Variants in ARHGEF10L observed in about 807,000 individuals in gnomAD.
ARHGEF10L encodes Rho guanine nucleotide exchange factor 10 like.
In ARHGEF10L, 69 loss-of-function variants were observed where a neutral mutation model predicts 141.2. The observed-to-expected ratio is 0.49, with a 90% CI of 0.40 to 0.60. The LOEUF is 0.60. Ranked by LOEUF, ARHGEF10L falls within the 20% of genes least tolerant of loss-of-function variation. The probability of loss-of-function intolerance (pLI) is 0.00; values close to 1 mark genes in which losing one functional copy is unlikely to be tolerated. For missense variants in ARHGEF10L, 1,482 were observed against 1,734.3 expected (o/e 0.85, Z 2.58); for synonymous variants, 711 against 718.5 (o/e 0.99, Z 0.17).
rs902176105 is a variant in ARHGEF10L at position 17,573,637 on chromosome 1, C to T, written c.-43-6916C>T. Among the ~76,000 whole-genome samples the T allele has an allele frequency of 6.6e-6, 1 of 152,030 alleles. No homozygotes were observed. The highest frequency in any genetic ancestry group is 1.5e-5 in the Non-Finnish European group (1 of 67,986). ...GGGGGCTGGAGATAGAGTCTGGGGCCGCCCCCCTCCCACGCTGTCCAGCCA... is the reference window on the plus strand; with the variant it reads ...GGGGGCTGGAGATAGAGTCTGGGGCTGCCCCCCTCCCACGCTGTCCAGCCA... On this transcript the variant is annotated intron_variant, in intron 1 of 28. Transcript: ENST00000361221. The surrounding 1 kb of genome is among the most constrained non-coding windows in gnomAD (Gnocchi z 4.8).
At chr1:17,513,693 G>A in the ARHGEF10L span, among the ~76,000 whole-genome samples, 1 of 152,156 alleles carries the variant, frequency 6.6e-6, no homozygotes, top group Non-Finnish European at 1.5e-5. Flanking sequence ...AGAGAAATCT[G>A]GGGTATCCAA....
rs2102178548 is a variant in ARHGEF10L at position 17,664,708 on chromosome 1, A to C, written c.3009+113A>C. ...GCTCCCAGTGGCATTCCAAGGATCG[A>C]TTGGGCAGAGTTTGTCCGGAAGCAG... On this transcript the variant is annotated intron_variant, in intron 26 of 28. Coordinates refer to ENST00000361221, the MANE Select transcript of ARHGEF10L (RefSeq NM_018125.4). 4 of 1,326,004 alleles carry C rather than the reference A, an allele frequency of 3.0e-6. No homozygotes were observed. In the South Asian group the frequency reaches 6.5e-5, roughly 21 times the overall value. The allele number at this position is 1,326,004 out of a possible 1,614,324, so 82.1% of individuals were successfully genotyped here.
chr1:17,694,829 T>A, intron 27 of ARHGEF10L: 1 of 472,388 alleles, frequency 2.1e-6, no homozygotes, highest in Non-Finnish European at 4.1e-6. Flanking sequence ...GACAACCCTT[T>A]GTGCCGGATG....
chr1:17,545,906 T>A (rs2076898321), intron 1 of ARHGEF10L, among the ~76,000 whole-genome samples: 1 of 152,130 alleles, frequency 6.6e-6, no homozygotes, highest in South Asian at 2.1e-4. Context: ...CCAGGGGAGT[T>A]AATGTGTGTT....
chr1:17,534,986 G>A (rs141481822), upstream of ARHGEF10L, among the ~76,000 whole-genome samples: 1 of 152,100 alleles, frequency 6.6e-6, no homozygotes, highest in African/African-American at 2.4e-5. Flanking sequence ...TGGATGGGGT[G>A]GGGGGATGGT....
chr1:17,671,651 G>T (rs1344062446), intron 26 of ARHGEF10L, among the ~76,000 whole-genome samples: 1 of 152,222 alleles, frequency 6.6e-6, no homozygotes, highest in Non-Finnish European at 1.5e-5. Flanking sequence ...AGGGGCTGTG[G>T]TGGGGTTAAC....
the ARHGEF10L span, among the ~76,000 whole-genome samples, chr1:17,523,633 A>G: frequency 2.9e-3 from 442 of 152,308 alleles, 4 homozygotes; most frequent in African/African-American, 0.01. Flanking sequence ...CACACTGTTC[A>G]TGGCACAGCC....
intron 26 of ARHGEF10L, among the ~76,000 whole-genome samples, chr1:17,684,610 C>T (rs1274895512): frequency 1.3e-5 from 2 of 152,202 alleles, no homozygotes; most frequent in Admixed American, 1.3e-4. Context: ...AGTTCGCTTC[C>T]TCTGAGCATG....
intron 1 of ARHGEF10L, among the ~76,000 whole-genome samples, chr1:17,552,704 G>A (rs544804948): frequency 1.3e-5 from 2 of 150,168 alleles, no homozygotes; most frequent in East Asian, 4.0e-4. Flanking sequence ...GGTTACAGGC[G>A]TGAGCCACCG....
At chr1:17,525,502 T>C in the ARHGEF10L span, among the ~76,000 whole-genome samples, 1 of 152,032 alleles carries the variant, frequency 6.6e-6, no homozygotes, top group South Asian at 2.1e-4. Flanking sequence ...GCTTGAGCCA[T>C]GGGTTCTAGT....
intron 22 of ARHGEF10L, among the ~76,000 whole-genome samples, chr1:17,652,946 G>C (rs1360143443): frequency 6.6e-6 from 1 of 152,220 alleles, no homozygotes; most frequent in East Asian, 1.9e-4. Context: ...CAGAACTGCT[G>C]TTGGCCGTGT....
At chr1:17,557,872 A>G (rs2077397432) in intron 1 of ARHGEF10L, among the ~76,000 whole-genome samples, 1 of 152,208 alleles carries the variant, frequency 6.6e-6, no homozygotes, top group South Asian at 2.1e-4. Flanking sequence ...TGGTTGGGTC[A>G]GACTAAATAC....
At chr1:17,548,418 G>T (rs576156842) in intron 1 of ARHGEF10L, among the ~76,000 whole-genome samples, 1 of 152,080 alleles carries the variant, frequency 6.6e-6, no homozygotes. Flanking sequence ...TGGACTCTTA[G>T]GGGTCAGTAA....
chr1:17,565,304 G>T (rs1320671655), intron 1 of ARHGEF10L, among the ~76,000 whole-genome samples: 2 of 152,304 alleles, frequency 1.3e-5, no homozygotes, highest in Non-Finnish European at 2.9e-5. Flanking sequence ...ATTTTAGGGG[G>T]ATAAAAACAT....
rs1421282606 is a variant in ARHGEF10L, at chr1:17,686,077, T to TC, written c.3010-1496_3010-1495insC. 2.7e-3 allele frequency among the ~76,000 whole-genome samples: 376 copies of TC among 138,796 alleles called. 7 individuals are homozygous for TC. In the East Asian group the frequency reaches 0.052, roughly 19 times the overall value. 91.1% of individuals were successfully genotyped at this position (138,796 alleles called of 152,430 possible). On this transcript the variant is annotated intron_variant, in intron 26 of 28. Transcript: ENST00000361221. ...TTGGTGTGTTTGTTTTGTTTTGTTT[T>TC]TTTTCTTTCTTTCTTTCTTTCTTTC...
intron 26 of ARHGEF10L, among the ~76,000 whole-genome samples, chr1:17,683,686 C>A (rs961621636): frequency 1.3e-5 from 2 of 152,204 alleles, no homozygotes; most frequent in Non-Finnish European, 2.9e-5. Flanking sequence ...CCTGCCCTTT[C>A]CCCCGCCGGC....
At position 17,640,307 on chromosome 1, in the gene ARHGEF10L, G is replaced by T; in HGVS notation, c.2272+5G>T. ...ATTTGGCCAAAATCGGACTCCGTGA[G>T]TATAGCCCCAGGGAGAGTGCCTCAG... On this transcript the variant is annotated splice_donor_5th_base_variant and intron_variant, in intron 21 of 28. Transcript: ENST00000361221. 6.2e-7 allele frequency: 1 copy of T among 1,608,390 alleles called. No homozygotes were observed. Among genetic ancestry groups the T allele is most frequent in the South Asian group, 1.1e-5 (1 of 90,118 alleles).
At chr1:17,597,357 T>TTCCATGGACAGCGGCTGGGAGAGGCTGC (rs1371951545) in intron 4 of ARHGEF10L, among the ~76,000 whole-genome samples, 7 of 152,092 alleles carry the variant, frequency 4.6e-5, no homozygotes, top group Non-Finnish European at 8.8e-5. Context: ...CCTGCGTGGC[T>TTCCATGGACAGCGGCTGGGAGAGGCTGC]TCCATGGACA....
chr1:17,520,755 AG>A, the ARHGEF10L span, among the ~76,000 whole-genome samples: 1 of 152,180 alleles, frequency 6.6e-6, no homozygotes, highest in Admixed American at 6.5e-5. Context: ...GGGCGTGTGT[AG>A]GGGGGACTTC....
Sources: allele counts gnomAD v4.1 joint callset (sites outside exome capture counted in the v4.1 genomes callset), GRCh38; gene constraint gnomAD v4.1.1; non-coding constraint Gnocchi (gnomAD v3.1); transcripts MANE v1.5; gene names NCBI Gene and HGNC (gene_info 2026-07-23, HGNC 2026-07-21).